Variants in ASPG observed in about 807,000 individuals in gnomAD.
ASPG encodes 60 kDa lysophospholipase.
A neutral mutation model predicts 63.2 loss-of-function variants in ASPG; 53 were observed. That is an observed-to-expected ratio of 0.84 (90% CI 0.67 to 1.05). ASPG has a LOEUF of 1.05. Among genes scored for constraint, ASPG ranks in the 50% least tolerant of loss-of-function variants. The pLI is 0.00. For missense variants in ASPG, 741 were observed against 794.4 expected, an observed-to-expected ratio of 0.93 and a Z score of 0.81; for synonymous variants, 370 against 355.0, an observed-to-expected ratio of 1.04 and a Z score of -0.48.
chr14:104,101,618 C>T (rs191086923), intron 6 of ASPG, among the ~76,000 whole-genome samples: 5 of 152,320 alleles, frequency 3.3e-5, no homozygotes, highest in Admixed American at 3.3e-4. Flanking sequence ...CTGCTGGGGC[C>T]CTTGGAGCAG....
chr14:104,107,312 G>A lies in ASPG; in HGVS notation c.1400G>A (p.Gly467Asp). 1 of 1,597,132 alleles carries A rather than the reference G, an allele frequency of 6.3e-7. No homozygotes were observed. The highest frequency in any genetic ancestry group is 1.1e-5 in the South Asian group (1 of 89,212). Residue 467 changes from glycine to aspartate, a missense_variant, in exon 12 of 16, where the codon GGC becomes GAC. Gly to Asp is a moderately conservative substitution (Grantham distance 94). Coordinates refer to ENST00000551177, the MANE Select transcript of ASPG (RefSeq NM_001080464.3). The stretch of plus-strand genomic sequence containing the variant: ...GACGTGAACACCCGGGACACGGATG[G>A]CTTCAGCCCGCTGCTGCTGGCCGTG... ...GVDVNTRDTD[G>D]FSPLLLAVRG...
chr14:104,103,545 G>A lies in ASPG; in HGVS notation c.641-18G>A. The A allele has an allele frequency of 1.9e-6, 3 of 1,545,068 alleles. No homozygotes were observed. The highest frequency in any genetic ancestry group is 2.6e-6 in the Non-Finnish European group (3 of 1,144,502). On this transcript the variant is annotated intron_variant, in intron 6 of 15. Coordinates refer to ENST00000551177, the MANE Select transcript of ASPG (RefSeq NM_001080464.3). ...CAGGAGGCCTGAAGGCACCACACAG[G>A]CCCTTCCCTGTCCTCAGTCAACAGG...
chr14:104,085,902 G>A (rs2036208716), intron 1 of ASPG, 50 bp downstream of exon 1: 1 of 1,512,458 alleles, frequency 6.6e-7, no homozygotes. Flanking sequence ...GGCCGCGACC[G>A]GGAGCCTCGG....
intron 10 of ASPG, among the ~76,000 whole-genome samples, chr14:104,106,059 C>A (rs1200934871): frequency 1.3e-5 from 2 of 152,362 alleles, no homozygotes. Flanking sequence ...CGGTTTCCCC[C>A]TACAGGGATG....
intron 10 of ASPG, among the ~76,000 whole-genome samples, chr14:104,105,962 G>A (rs1275158394): frequency 6.6e-6 from 1 of 152,254 alleles, no homozygotes; most frequent in Admixed American, 6.5e-5. Context: ...TGGCTGCTGG[G>A]CCAAACATCC....
At chr14:104,090,298 G>A (rs2036330369) in intron 1 of ASPG, among the ~76,000 whole-genome samples, 2 of 152,232 alleles carry the variant, frequency 1.3e-5, no homozygotes, top group Non-Finnish European at 2.9e-5. Flanking sequence ...GTCAGCAGCA[G>A]CTGGAGGTGA....
Position 104,111,564 on chromosome 14 carries a change from G to T in ASPG, c.1583G>T (p.Gly528Val). Reference protein sequence around the residue: ...QVWWQAGADLGQPGYDGHSAL... With the variant: ...QVWWQAGADLVQPGYDGHSAL... The stretch of plus-strand genomic sequence containing the variant: ...TGGTGGCAGGCAGGGGCTGACCTGG[G>T]GCAGCCGGGCTATGACGGGCACAGC... Residue 528 changes from glycine to valine, a missense_variant, in exon 14 of 16, where the codon GGG (glycine) becomes GTG (valine). By Grantham distance (109) the Gly-to-Val change is moderately radical (BLOSUM62 -3). Transcript: ENST00000551177. 1.3e-6 allele frequency: 2 copies of T among 1,551,846 alleles called. No individual in the cohort carries two copies. Among genetic ancestry groups the T allele is most frequent in the East Asian group, 4.9e-5 (2 of 41,034 alleles).
At chr14:104,105,574 A>G in intron 10 of ASPG, 124 bp downstream of exon 10, 1 of 1,331,068 alleles carries the variant, frequency 7.5e-7, no homozygotes, top group Non-Finnish European at 1.0e-6. Flanking sequence ...AGTTAGGCAC[A>G]CCCGGGTTCT....
Position 104,110,876 on chromosome 14 carries a change from G to A in ASPG, c.1521-626G>A, listed in dbSNP as rs776734414. ...AGGGTGGCAGGGTGAGGAGGAGCTG[G>A]TGAGGGCCTGGCAGGTGCTCCCCAC... is the stretch of plus-strand genomic sequence containing the variant. On this transcript the variant is annotated intron_variant, in intron 13 of 15. Transcript: ENST00000551177. The surrounding 1 kb of genome is among the most constrained non-coding windows in gnomAD (Gnocchi z 4.7). The A allele has an allele frequency of 2.9e-5, 29 of 985,280 alleles. No individual in the cohort carries two copies. Among genetic ancestry groups the A allele is most frequent in the Middle Eastern group, 5.2e-4 (1 of 1,936 alleles). 61.0% of individuals were successfully genotyped at this position (985,280 alleles called of 1,614,324 possible). A position where few individuals can be genotyped will look rare whatever the true frequency, so the allele number is the denominator to read the frequency against.
intron 3 of ASPG, among the ~76,000 whole-genome samples, chr14:104,094,452 C>A (rs1200394627): frequency 1.4e-5 from 2 of 145,234 alleles, no homozygotes; most frequent in Non-Finnish European, 3.1e-5. Flanking sequence ...GCAGAACCAC[C>A]CCCCGCCCCA....
chr14:104,102,472 C>G (rs2036922007), intron 6 of ASPG, among the ~76,000 whole-genome samples: 1 of 152,194 alleles, frequency 6.6e-6, no homozygotes. Flanking sequence ...GTGCCGGGCT[C>G]TCCAGGCGCC....
rs762481304 is a variant in ASPG, at chr14:104,105,209, G to T, written c.1051-119G>T. 29 of 1,501,724 alleles carry T rather than the reference G, an allele frequency of 1.9e-5. No individual in the cohort carries two copies. The East Asian group carries it at 3.9e-4, about 20-fold the overall frequency. The allele number at this position is 1,501,724 out of a possible 1,614,324, so 93.0% of individuals were successfully genotyped here. Reference sequence around the variant, plus strand: ...CTGGCCCGAGGGATGAAGCACACACGGCCGAGGCTCAGGCCAAGGGCAACC... The same window carrying T: ...CTGGCCCGAGGGATGAAGCACACACTGCCGAGGCTCAGGCCAAGGGCAACC... On this transcript the variant is annotated intron_variant, in intron 9 of 15. Transcript: ENST00000551177.
chr14:104,101,717 C>T (rs1350156594), intron 6 of ASPG, among the ~76,000 whole-genome samples: 2 of 152,212 alleles, frequency 1.3e-5, no homozygotes, highest in African/African-American at 4.8e-5. Flanking sequence ...CACCCCAAAG[C>T]AGAGCCCCAG....
intron 1 of ASPG, 110 bp downstream of exon 1, chr14:104,085,962 T>C (rs917322905): frequency 1.9e-5 from 20 of 1,029,938 alleles, no homozygotes; most frequent in Admixed American, 3.3e-5. Flanking sequence ...CGCGCCTGGA[T>C]GGGGGGTGCG....
chr14:104,090,957 C>G (rs1052875439), intron 1 of ASPG, among the ~76,000 whole-genome samples: 12 of 152,272 alleles, frequency 7.9e-5, no homozygotes, highest in African/African-American at 2.9e-4. Flanking sequence ...CCTCCGCCTG[C>G]CAGATTCAAG....
chr14:104,088,973 G>C (rs942635643), intron 1 of ASPG, among the ~76,000 whole-genome samples: 1 of 152,028 alleles, frequency 6.6e-6, no homozygotes, highest in Admixed American at 6.6e-5. Flanking sequence ...AGTAATACAA[G>C]TTACAAAATC....
At chr14:104,102,984 G>A (rs1354473369) in intron 6 of ASPG, among the ~76,000 whole-genome samples, 2 of 152,228 alleles carry the variant, frequency 1.3e-5, no homozygotes, top group Non-Finnish European at 2.9e-5. Context: ...TCTCCCCAGA[G>A]GTGAGGGGTC....
intron 14 of ASPG, 22 bp from the exon 15 acceptor site, chr14:104,111,898 C>T (rs747514809): frequency 1.9e-6 from 3 of 1,549,270 alleles, no homozygotes; most frequent in South Asian, 1.2e-5. Context: ...CAAGGCAGCC[C>T]CTCCCCACTG....
rs561058868 is a variant in ASPG, at chr14:104,109,834, A to G, written c.1520+519A>G. On this transcript the variant is annotated intron_variant, in intron 13 of 15. Transcript: ENST00000551177. The surrounding 1 kb of genome is among the most constrained non-coding windows in gnomAD (Gnocchi z 4.8). ...GGCCCCGCCTCCACCTGCTGGCCGC[A>G]TGGCACCAGTGGCCAGTGTGCCTTC... is the stretch of plus-strand genomic sequence containing the variant. Among the ~76,000 whole-genome samples the G allele has an allele frequency of 6.6e-6, 1 of 152,108 alleles. No homozygotes were observed. Among genetic ancestry groups the G allele is most frequent in the African/African-American group, 2.4e-5 (1 of 41,464 alleles).
Sources: gnomAD v4.1 joint callset for allele counts (sites outside exome capture counted in the v4.1 genomes callset) on GRCh38, gnomAD v4.1.1 for gene constraint, Gnocchi (gnomAD v3.1) non-coding constraint, MANE v1.5 for transcripts, NCBI Gene and HGNC (gene_info 2026-07-23, HGNC 2026-07-21) for gene names.